The following EBF1 variants were observed in gnomAD, a reference collection of about 807,000 sequenced individuals.
EBF1 encodes EBF transcription factor 1.
In EBF1, 10 loss-of-function variants were observed where a neutral mutation model predicts 68.4. The observed-to-expected ratio is 0.15, with a 90% CI of 0.09 to 0.25. The LOEUF (loss-of-function observed/expected upper bound fraction) is 0.25. EBF1 is among the 10% of genes least tolerant of loss of function. The probability of loss-of-function intolerance (pLI) is 1.00; values close to 1 mark genes in which losing one functional copy is unlikely to be tolerated. For synonymous variants in EBF1, 298 were observed against 299.8 expected (o/e 0.99, Z 0.06); for missense variants, 509 against 794.4 (o/e 0.64, Z 4.32).
intron 10 of EBF1, among the ~76,000 whole-genome samples, chr5:158,748,762 T>A (rs1377923323): frequency 6.6e-6 from 1 of 152,080 alleles, no homozygotes; most frequent in Non-Finnish European, 1.5e-5. Flanking sequence ...CTGCTCCGAG[T>A]CAGTGGCAAA....
intron 6 of EBF1, among the ~76,000 whole-genome samples, chr5:158,919,581 A>AT (rs902226866): frequency 1.3e-5 from 2 of 152,152 alleles, no homozygotes; most frequent in African/African-American, 4.8e-5. Flanking sequence ...AACGGTGCTC[A>AT]TTTTTTTGAA....
At chr5:158,790,756 G>A (rs986063009) in intron 9 of EBF1, among the ~76,000 whole-genome samples, 3 of 152,154 alleles carry the variant, frequency 2.0e-5, no homozygotes, top group Non-Finnish European at 2.9e-5. Flanking sequence ...ACACTGTGGC[G>A]TAAGTCTCAG....
chr5:158,805,252 G>A (rs1176511585), intron 8 of EBF1, among the ~76,000 whole-genome samples: 1 of 152,122 alleles, frequency 6.6e-6, no homozygotes, highest in Non-Finnish European at 1.5e-5. Context: ...CAGTCTTCCT[G>A]GGCCTGGAAA....
intron 9 of EBF1, among the ~76,000 whole-genome samples, chr5:158,791,490 T>C (rs911603292): frequency 2.0e-5 from 3 of 152,072 alleles, no homozygotes; most frequent in Non-Finnish European, 2.9e-5. Context: ...AGTCTCTCAA[T>C]TGGTTCCTTA....
chr5:158,903,469 C>G (rs970114394), intron 6 of EBF1, among the ~76,000 whole-genome samples: 1 of 152,164 alleles, frequency 6.6e-6, no homozygotes, highest in Admixed American at 6.5e-5. Flanking sequence ...TTAGGGGTTA[C>G]AGAAGGCACC....
At chr5:159,035,406 C>T (rs189615454) in intron 6 of EBF1, among the ~76,000 whole-genome samples, 36 of 152,206 alleles carry the variant, frequency 2.4e-4, no homozygotes, top group Non-Finnish European at 3.7e-4. Flanking sequence ...ATCTATTTGG[C>T]AGCTCTAGAT....
intron 11 of EBF1, 119 bp from the exon 12 acceptor site, chr5:158,714,301 T>G: frequency 3.6e-6 from 4 of 1,098,434 alleles, no homozygotes; most frequent in Non-Finnish European, 4.2e-6. Context: ...ATAAAGGCCG[T>G]AGCTTGGGGA....
chr5:159,029,352 T>C (rs1342798335), intron 6 of EBF1, among the ~76,000 whole-genome samples: 1 of 152,212 alleles, frequency 6.6e-6, no homozygotes, highest in Admixed American at 6.5e-5. Context: ...TTTGACATTA[T>C]GCATTGAGAG....
intron 6 of EBF1, among the ~76,000 whole-genome samples, chr5:159,002,208 G>T: frequency 6.7e-6 from 1 of 149,644 alleles, no homozygotes. Context: ...CTGTGGGATA[G>T]GTACACAAAG....
At chr5:158,773,892 G>A (rs1304399231) in intron 10 of EBF1, among the ~76,000 whole-genome samples, 1 of 152,184 alleles carries the variant, frequency 6.6e-6, no homozygotes, top group Non-Finnish European at 1.5e-5. Flanking sequence ...TTACATGGCA[G>A]TGAGGTTATA....
At chr5:158,753,441 G>A (rs1168287531) in intron 10 of EBF1, among the ~76,000 whole-genome samples, 1 of 152,030 alleles carries the variant, frequency 6.6e-6, no homozygotes, top group Non-Finnish European at 1.5e-5. Context: ...GCCCTCTGAT[G>A]GGTTCTGGCT....
At chr5:158,821,578 C>T (rs995313917) in intron 8 of EBF1, among the ~76,000 whole-genome samples, 2 of 152,202 alleles carry the variant, frequency 1.3e-5, no homozygotes, top group African/African-American at 4.8e-5. Context: ...AAAAACATAA[C>T]TTCAATCCTT....
intron 10 of EBF1, among the ~76,000 whole-genome samples, chr5:158,773,637 T>A (rs899651397): frequency 2.6e-5 from 4 of 152,078 alleles, no homozygotes; most frequent in Non-Finnish European, 4.4e-5. Context: ...ATGAAAATTC[T>A]TACAGAAAAT....
chr5:158,820,572 A>T (rs1784625271), intron 8 of EBF1, among the ~76,000 whole-genome samples: 1 of 152,170 alleles, frequency 6.6e-6, no homozygotes, highest in Admixed American at 6.5e-5. Flanking sequence ...GAATTTGAAC[A>T]TGTCTACCCT....
chr5:158,742,064 A>T (rs1391199223), intron 10 of EBF1, among the ~76,000 whole-genome samples: 6 of 152,210 alleles, frequency 3.9e-5, no homozygotes, highest in Admixed American at 3.9e-4. Context: ...CTGCCTCGAG[A>T]GCCCTACTCT....
chr5:159,043,229 T>C (rs1306255215), intron 6 of EBF1, among the ~76,000 whole-genome samples: 2 of 152,204 alleles, frequency 1.3e-5, no homozygotes, highest in African/African-American at 4.8e-5. Context: ...CTTGTCCATC[T>C]GACTCCAGCA....
chr5:158,744,115 G>A lies in EBF1; in HGVS notation c.1037-12958C>T, dbSNP rs747052450. On this transcript the variant is annotated intron_variant, in intron 10 of 15. Transcript: ENST00000313708. Reference sequence around the variant, plus strand: ...GAATCTGGGAGGTGGAGGTTGCAGTGAGCACTGCAGCCTGGGCAACAAAGT... The same window carrying A: ...GAATCTGGGAGGTGGAGGTTGCAGTAAGCACTGCAGCCTGGGCAACAAAGT... Among the ~76,000 whole-genome samples, 22 of 151,932 alleles carry A rather than the reference G, an allele frequency of 1.4e-4. No individual in the cohort carries two copies. The Middle Eastern group carries it at 0.01, about 70-fold the overall frequency.
At chr5:158,869,578 AACACACACACACACAC>A (rs3035120) in intron 6 of EBF1, among the ~76,000 whole-genome samples, 5 of 145,172 alleles carry the variant, frequency 3.4e-5, no homozygotes, top group African/African-American at 5.2e-5. Flanking sequence ...GATCCTAATA[AACACACACACACACAC>A]ACACACACAC....
At chr5:158,982,632 TC>T (rs200089848) in intron 6 of EBF1, among the ~76,000 whole-genome samples, 3,090 of 152,332 alleles carry the variant, frequency 0.02, 39 homozygotes, top group Admixed American at 0.045. Flanking sequence ...ACAGTCTAAT[TC>T]TTTTTGCTTT....
Sources: gnomAD v4.1 joint callset for allele counts (sites outside exome capture counted in the v4.1 genomes callset) on GRCh38, gnomAD v4.1.1 for gene constraint, MANE v1.5 for transcripts, NCBI Gene and HGNC (gene_info 2026-07-23, HGNC 2026-07-21) for gene names.